Variants in SLC35F3 observed in about 807,000 individuals in gnomAD.
The protein encoded by SLC35F3 is putative thiamine transporter SLC35F3.
SLC35F3 carries 25 observed loss-of-function variants against 49.9 expected under a neutral mutation model. The ratio of observed to expected loss-of-function variants is 0.50; its 90% confidence interval spans 0.37 to 0.70. The LOEUF is 0.70. Ranked by LOEUF, SLC35F3 falls within the 30% of genes least tolerant of loss-of-function variation. The pLI is 0.00. For missense variants in SLC35F3, 525 were observed against 639.8 expected, an observed-to-expected ratio of 0.82 and a Z score of 1.94; for synonymous variants, 275 against 265.4, an observed-to-expected ratio of 1.04 and a Z score of -0.35.
At chr1:234,260,944 A>G (rs1667895120) in intron 3 of SLC35F3, among the ~76,000 whole-genome samples, 1 of 152,228 alleles carries the variant, frequency 6.6e-6, no homozygotes, top group Admixed American at 6.5e-5. Flanking sequence ...TTAAACATCA[A>G]AACAGGTATG....
chr1:234,171,638 G>T (rs1207025023), intron 2 of SLC35F3, among the ~76,000 whole-genome samples: 1 of 152,278 alleles, frequency 6.6e-6, no homozygotes, highest in Non-Finnish European at 1.5e-5. Context: ...GGGACACTGT[G>T]GTTCTCAACA....
chr1:234,309,048 GGTCT>G, intron 3 of SLC35F3, 49 bp from the exon 4 acceptor site: 1 of 1,432,126 alleles, frequency 7.0e-7, no homozygotes, highest in Non-Finnish European at 9.7e-7. Context: ...GGAAATAAAT[GGTCT>G]GTCTGAACCC....
intron 3 of SLC35F3, among the ~76,000 whole-genome samples, chr1:234,253,265 G>T (rs1667765695): frequency 6.6e-6 from 1 of 152,042 alleles, no homozygotes; most frequent in Non-Finnish European, 1.5e-5. Context: ...GGCAGAGGTT[G>T]CAGTAAGCCA....
At chr1:233,925,578 CTT>C (rs1419636332) in intron 2 of SLC35F3, among the ~76,000 whole-genome samples, 3 of 152,250 alleles carry the variant, frequency 2.0e-5, no homozygotes, top group African/African-American at 4.8e-5. Flanking sequence ...GGTCTTGACT[CTT>C]TATCCAATTT....
At chr1:233,978,382 G>A (rs1033845424) in intron 2 of SLC35F3, among the ~76,000 whole-genome samples, 23 of 152,190 alleles carry the variant, frequency 1.5e-4, no homozygotes, top group Admixed American at 3.9e-4. Context: ...TCTTAAAGGC[G>A]TATGTAATGA....
In SLC35F3 at chr1:233,943,663, C is replaced by T. The variant is rs1264700834; in HGVS notation, c.283+37905C>T. Among the ~76,000 whole-genome samples the T allele has an allele frequency of 2.6e-5, 4 of 152,094 alleles. No homozygotes were observed. The East Asian group carries it at 7.7e-4, about 29-fold the overall frequency. ...ACTCCAGTGTAAATATGGAATAAAT[C>T]CATATGGGCTTGGCTATATATATCT... On this transcript the variant is annotated intron_variant, in intron 2 of 7. Coordinates refer to ENST00000366618, the MANE Select transcript of SLC35F3 (RefSeq NM_173508.4).
chr1:234,277,784 A>T (rs1450137075), intron 3 of SLC35F3, among the ~76,000 whole-genome samples: 1 of 152,198 alleles, frequency 6.6e-6, no homozygotes, highest in African/African-American at 2.4e-5. Flanking sequence ...AACAAGACTG[A>T]TGGTTTTATA....
intron 2 of SLC35F3, among the ~76,000 whole-genome samples, chr1:234,187,699 G>A (rs181422606): frequency 7.2e-5 from 11 of 152,338 alleles, no homozygotes; most frequent in African/African-American, 2.4e-4. Context: ...AGACAATGTA[G>A]ACACCTGAGT....
chr1:234,162,437 G>T (rs1666243935), intron 2 of SLC35F3, among the ~76,000 whole-genome samples: 1 of 142,526 alleles, frequency 7.0e-6, no homozygotes, highest in South Asian at 2.4e-4. Flanking sequence ...GGTGGAGAGG[G>T]ATTATAAGTG....
At chr1:233,926,946 G>A (rs893712936) in intron 2 of SLC35F3, among the ~76,000 whole-genome samples, 8 of 152,170 alleles carry the variant, frequency 5.3e-5, no homozygotes, top group African/African-American at 1.7e-4. Flanking sequence ...GACCCTGTTT[G>A]ACTGGGTATC....
intron 2 of SLC35F3, among the ~76,000 whole-genome samples, chr1:234,175,358 C>T (rs1181197873): frequency 1.3e-5 from 2 of 152,200 alleles, no homozygotes; most frequent in Admixed American, 1.3e-4. Flanking sequence ...ATGCTATCTG[C>T]ATTTCCCCTT....
chr1:233,924,699 T>A lies in SLC35F3; in HGVS notation c.283+18941T>A, dbSNP rs551802926. On this transcript the variant is annotated intron_variant, in intron 2 of 7. Transcript: ENST00000366618. ...GCTTTTGAATGTGTTTGCTCTTGCT[T>A]CTCTTGTTCTTTTAATTGTGATGTT... Among the ~76,000 whole-genome samples the A allele has an allele frequency of 4.6e-5, 7 of 152,350 alleles. No individual in the cohort carries two copies. In the South Asian group the frequency reaches 1.4e-3, roughly 32 times the overall value.
chr1:233,936,572 C>T (rs1662332857), intron 2 of SLC35F3, among the ~76,000 whole-genome samples: 1 of 151,690 alleles, frequency 6.6e-6, no homozygotes. Context: ...TCTTCTCCTC[C>T]TTCCTCTTCC....
rs535729658 is a variant in SLC35F3 at position 234,277,402 on chromosome 1, G to A, written c.609-31699G>A. On this transcript the variant is annotated intron_variant, in intron 3 of 7. Coordinates refer to ENST00000366618, the MANE Select transcript of SLC35F3 (RefSeq NM_173508.4). ...AAGAGAGGCAGCTCACCAAACAGCC[G>A]TGTGCTATAGCCAGAATCTCTAGCC... Among the ~76,000 whole-genome samples the A allele has an allele frequency of 1.2e-4, 19 of 152,334 alleles. No homozygotes were observed. In the South Asian group the frequency reaches 1.7e-3, roughly 13 times the overall value.
chr1:234,315,804 A>C (rs1657476763), intron 4 of SLC35F3, among the ~76,000 whole-genome samples: 2 of 152,216 alleles, frequency 1.3e-5, no homozygotes, highest in Admixed American at 1.3e-4. Flanking sequence ...TGGCTACCTC[A>C]GATCAGTCCT....
chr1:233,922,245 T>G (rs905823161), intron 2 of SLC35F3, among the ~76,000 whole-genome samples: 4 of 152,228 alleles, frequency 2.6e-5, no homozygotes, highest in Admixed American at 1.3e-4. Context: ...TGAACTAGTT[T>G]ACAGTCCCAC....
chr1:234,294,221 G>A (rs890191192), intron 3 of SLC35F3, among the ~76,000 whole-genome samples: 2 of 152,152 alleles, frequency 1.3e-5, no homozygotes, highest in Non-Finnish European at 2.9e-5. Context: ...CACCCAGGGA[G>A]GCAGGTTCCT....
At chr1:234,033,777 A>C (rs1465397322) in intron 2 of SLC35F3, among the ~76,000 whole-genome samples, 2 of 152,214 alleles carry the variant, frequency 1.3e-5, no homozygotes, top group Admixed American at 1.3e-4. Context: ...AGTAGTTTGA[A>C]GTCAGGTAAT....
intron 2 of SLC35F3, among the ~76,000 whole-genome samples, chr1:233,994,406 AG>A (rs1190448403): frequency 6.6e-6 from 1 of 152,120 alleles, no homozygotes; most frequent in African/African-American, 2.4e-5. Context: ...CTACAACTCA[AG>A]AGTGCAGCTC....
Sources: allele counts gnomAD v4.1 joint callset (sites outside exome capture counted in the v4.1 genomes callset), GRCh38; gene constraint gnomAD v4.1.1; transcripts MANE v1.5; gene names NCBI Gene and HGNC (gene_info 2026-07-23, HGNC 2026-07-21).